Variants in MAGI2 observed in about 807,000 individuals in gnomAD.
The protein encoded by MAGI2 is membrane associated guanylate kinase, WW and PDZ domain containing 2, also known as membrane-associated guanylate kinase, WW and PDZ domain-containing protein 2.
Under a neutral mutation model 133.3 loss-of-function variants are expected in MAGI2, and 35 were observed. That is an observed-to-expected ratio of 0.26 (90% CI 0.20 to 0.35). The LOEUF (loss-of-function observed/expected upper bound fraction) is 0.35. MAGI2 is among the 10% of genes least tolerant of loss of function. The pLI, the probability that MAGI2 is intolerant of heterozygous loss-of-function variation, is 1.00. For missense variants in MAGI2, 1,636 were observed against 1,863.4 expected (o/e 0.88, Z 2.25); for synonymous variants, 729 against 710.6 (o/e 1.03, Z -0.41).
intron 6 of MAGI2, among the ~76,000 whole-genome samples, chr7:78,411,883 T>C (rs1797903801): frequency 6.6e-6 from 1 of 152,016 alleles, no homozygotes; most frequent in Non-Finnish European, 1.5e-5. Context: ...TAAGACTAGA[T>C]ATTACCATTT....
intron 2 of MAGI2, among the ~76,000 whole-genome samples, chr7:78,885,998 G>C (rs930921237): frequency 6.6e-6 from 1 of 152,262 alleles, no homozygotes; most frequent in South Asian, 2.1e-4. Flanking sequence ...ATCTACTGCT[G>C]TAAGACAGCA....
chr7:78,294,214 G>C (rs1022508773), intron 9 of MAGI2, among the ~76,000 whole-genome samples: 1 of 152,064 alleles, frequency 6.6e-6, no homozygotes, highest in African/African-American at 2.4e-5. Flanking sequence ...CAGTGAGGGA[G>C]ATACTGTGCC....
At chr7:78,463,884 G>A (rs1790338330) in intron 6 of MAGI2, among the ~76,000 whole-genome samples, 1 of 152,110 alleles carries the variant, frequency 6.6e-6, no homozygotes, top group African/African-American at 2.4e-5. Flanking sequence ...ATAATAGGAA[G>A]GAAGGGGGAA....
chr7:78,838,098 C>T (rs984589238), intron 2 of MAGI2, among the ~76,000 whole-genome samples: 1 of 152,038 alleles, frequency 6.6e-6, no homozygotes, highest in Admixed American at 6.6e-5. Flanking sequence ...GAAAGCTTGA[C>T]CTTTGAGATA....
At chr7:78,486,008 A>G (rs1387993756) in intron 6 of MAGI2, 1 of 152,110 alleles carries the variant, frequency 6.6e-6, no homozygotes. Context: ...TAAGATTCTC[A>G]AAAGGGAACC....
At chr7:78,935,341 G>A (rs1292578023) in intron 2 of MAGI2, among the ~76,000 whole-genome samples, 1 of 152,096 alleles carries the variant, frequency 6.6e-6, no homozygotes, top group Non-Finnish European at 1.5e-5. Flanking sequence ...CTTCAGAAGT[G>A]TCTGATATTA....
chr7:78,635,372 A>G (rs908806689), intron 2 of MAGI2, among the ~76,000 whole-genome samples: 4 of 152,222 alleles, frequency 2.6e-5, no homozygotes, highest in African/African-American at 9.6e-5. Context: ...TCCTAGTTTG[A>G]GTAAAATACT....
At chr7:79,391,570 T>TATATATATATA in intron 1 of MAGI2, among the ~76,000 whole-genome samples, 1 of 133,170 alleles carries the variant, frequency 7.5e-6, no homozygotes, top group Non-Finnish European at 1.6e-5. Context: ...TATACACACT[T>TATATATATATA]TACTGTAAGT....
chr7:79,405,584 C>A (rs1326036000), intron 1 of MAGI2, among the ~76,000 whole-genome samples: 4 of 152,068 alleles, frequency 2.6e-5, no homozygotes, highest in Non-Finnish European at 5.9e-5. Context: ...TTCCTCCATG[C>A]CCCAAGAGTG....
At chr7:78,928,881 A>T (rs1469409422) in intron 2 of MAGI2, among the ~76,000 whole-genome samples, 2 of 152,000 alleles carry the variant, frequency 1.3e-5, no homozygotes, top group Admixed American at 1.3e-4. Flanking sequence ...TCACTGCAAT[A>T]TTTTCCTCCT....
intron 1 of MAGI2, among the ~76,000 whole-genome samples, chr7:79,127,575 T>TC (rs1820539127): frequency 6.6e-6 from 1 of 152,150 alleles, no homozygotes; most frequent in African/African-American, 2.4e-5. Flanking sequence ...TTTTCATGTG[T>TC]TTTTGGCTGC....
intron 10 of MAGI2, among the ~76,000 whole-genome samples, chr7:78,249,405 A>G (rs890850459): frequency 6.6e-5 from 10 of 152,084 alleles, no homozygotes; most frequent in Non-Finnish European, 2.9e-5. Flanking sequence ...AGTTATCTTC[A>G]CTCCTATATT....
chr7:78,093,778 T>C (rs1817457831), intron 20 of MAGI2, among the ~76,000 whole-genome samples: 1 of 152,238 alleles, frequency 6.6e-6, no homozygotes, highest in Admixed American at 6.5e-5. Context: ...TAGATTTCCA[T>C]TTCTACACTG....
At chr7:78,095,182 A>T (rs1817582866) in intron 20 of MAGI2, among the ~76,000 whole-genome samples, 1 of 152,208 alleles carries the variant, frequency 6.6e-6, no homozygotes, top group African/African-American at 2.4e-5. Flanking sequence ...GACCTCAGAG[A>T]ATTCAAATTC....
intron 7 of MAGI2, among the ~76,000 whole-genome samples, chr7:78,349,782 A>G (rs1190391674): frequency 6.6e-6 from 1 of 152,216 alleles, no homozygotes; most frequent in African/African-American, 2.4e-5. Context: ...ATCACAAAGA[A>G]ATGTGATTGT....
chr7:78,955,085 A>G (rs1584492236), intron 2 of MAGI2, among the ~76,000 whole-genome samples: 1 of 152,074 alleles, frequency 6.6e-6, no homozygotes, highest in African/African-American at 2.4e-5. Context: ...AAAAAAATAC[A>G]CTAAGCCCCT....
chr7:78,420,377 G>A (rs1283348001), intron 6 of MAGI2, among the ~76,000 whole-genome samples: 1 of 152,078 alleles, frequency 6.6e-6, no homozygotes, highest in African/African-American at 2.4e-5. Context: ...CAAAATGGGA[G>A]GACCATCAGC....
intron 3 of MAGI2, among the ~76,000 whole-genome samples, chr7:78,578,387 C>T (rs1563196421): frequency 6.6e-6 from 1 of 151,774 alleles, no homozygotes; most frequent in Admixed American, 6.6e-5. Context: ...AATGTAAACC[C>T]ATCAGTATGT....
At chr7:78,592,285 C>A (rs907082635) in intron 3 of MAGI2, among the ~76,000 whole-genome samples, 1 of 151,698 alleles carries the variant, frequency 6.6e-6, no homozygotes, top group Non-Finnish European at 1.5e-5. Context: ...AGCGCCAGGA[C>A]CAGGAGTCAG....
Sources: gnomAD v4.1 joint callset for allele counts (sites outside exome capture counted in the v4.1 genomes callset) on GRCh38, gnomAD v4.1.1 for gene constraint, MANE v1.5 for transcripts, NCBI Gene and HGNC (gene_info 2026-07-23, HGNC 2026-07-21) for gene names.